OPRM1: variants seen among roughly 807,000 people sequenced by gnomAD.
OPRM1 encodes opioid receptor mu 1, also known as mu-type opioid receptor.
Under a neutral mutation model 31.8 loss-of-function variants are expected in OPRM1, and 27 were observed. That is an observed-to-expected ratio of 0.85 (90% CI 0.63 to 1.17). The LOEUF is 1.17. Among genes scored for constraint, OPRM1 ranks in the 50% most tolerant of loss-of-function variants. The probability of loss-of-function intolerance (pLI) is 0.00; values close to 1 mark genes in which losing one functional copy is unlikely to be tolerated. For missense variants in OPRM1, 536 were observed against 511.1 expected, an observed-to-expected ratio of 1.05 and a Z score of -0.47; for synonymous variants, 196 against 189.9, an observed-to-expected ratio of 1.03 and a Z score of -0.26.
chr6:154,012,259 A>G lies in OPRM1; in HGVS notation c.-1+1241A>G, dbSNP rs947926158. ...AGTAGAAATAAACATTAGTTTTCTA[A>G]TCACTGTTATAATAGAAACTTTCCA... On this transcript the variant is annotated intron_variant, in intron 1 of 5. Coordinates refer to the OPRM1 transcript ENST00000434900. Among the ~76,000 whole-genome samples, 23 of 152,338 alleles carry G rather than the reference A, an allele frequency of 1.5e-4. 1 individual carries two copies. Among genetic ancestry groups the G allele is most frequent in the Admixed American group, 1.2e-3 (19 of 15,298 alleles).
At position 154,128,036 on chromosome 6, in the gene OPRM1, A is replaced by G. The variant is rs1052568280; in HGVS notation, c.*9315A>G. ...CTCCCCAGCTGAGTACTTTCCATGC[A>G]AGCTACCGCATCTGTATAAATTAGG... is the stretch of plus-strand genomic sequence containing the variant. On this transcript the variant is annotated 3_prime_UTR_variant, in exon 4 of 4. Transcript: ENST00000330432. Among the ~76,000 whole-genome samples the G allele has an allele frequency of 9.8e-5, 15 of 152,352 alleles. No homozygotes were observed. The highest frequency in any genetic ancestry group is 9.2e-4 in the Admixed American group (14 of 15,300).
Position 154,092,434 on chromosome 6 carries a change from T to C in OPRM1, c.1164+962T>C, listed in dbSNP as rs139146836. ...AAAATCACAGCCTGTATAATTTTTT[T>C]AACAGTGAATTCAAATTCAAACTTC... On this transcript the variant is annotated intron_variant, in intron 3 of 3. Transcript: ENST00000330432. Among the ~76,000 whole-genome samples the C allele has an allele frequency of 5.1e-3, 776 of 152,318 alleles. 9 individuals carry two copies. The highest frequency in any genetic ancestry group is 0.018 in the African/African-American group (746 of 41,574).
rs1377150212 is a variant in OPRM1 at position 154,100,226 on chromosome 6, A to AAT, written c.1164+8761_1164+8762dup. 1.4e-5 allele frequency among the ~76,000 whole-genome samples: 2 copies of AAT among 145,540 alleles called. 1 individual carries two copies. The highest frequency in any genetic ancestry group is 5.2e-5 in the African/African-American group (2 of 38,336). On this transcript the variant is annotated intron_variant, in intron 3 of 3. Transcript: ENST00000330432. ...ATATTATCATATTATGACATATCGT[A>AAT]ATATATATTATCATATTATGACATA...
At chr6:154,115,315 A>G (rs1464413056) in intron 3 of OPRM1, among the ~76,000 whole-genome samples, 1 of 152,124 alleles carries the variant, frequency 6.6e-6, no homozygotes, top group Non-Finnish European at 1.5e-5. Context: ...TGAGGTGGGT[A>G]GATCGCTTGA....
At chr6:154,011,759 T>C (rs1173842717) in intron 1 of OPRM1, among the ~76,000 whole-genome samples, 1 of 152,108 alleles carries the variant, frequency 6.6e-6, no homozygotes, top group Non-Finnish European at 1.5e-5. Context: ...GAGCACAAAA[T>C]AGGCCCATTT....
In OPRM1 at chr6:154,238,933, A is replaced by T. The variant is rs1325369310; in HGVS notation, c.1165-7760A>T. Among the ~76,000 whole-genome samples the T allele has an allele frequency of 7.9e-4, 118 of 150,028 alleles. 1 individual carries two copies. Among genetic ancestry groups the T allele is most frequent in the Middle Eastern group, 3.4e-3 (1 of 292 alleles). ...GATTCTATATTGTTGTTTTTTTTAAAAAAAAAAAGAAGTTGTGGAAACACC... is the reference window on the plus strand; with the variant it reads ...GATTCTATATTGTTGTTTTTTTTAATAAAAAAAAGAAGTTGTGGAAACACC... On this transcript the variant is annotated intron_variant, in intron 3 of 3. Transcript: ENST00000337049.
At chr6:154,093,202 T>C in intron 3 of OPRM1, 2 of 1,417,064 alleles carry the variant, frequency 1.4e-6, no homozygotes, top group Non-Finnish European at 1.9e-6. Context: ...ATATTTTGCT[T>C]TGAAGTAAAA....
At chr6:154,010,641 T>A in exon 1 of OPRM1, 1 of 1,494,082 alleles carries the variant, frequency 6.7e-7, no homozygotes, top group Non-Finnish European at 9.0e-7. Flanking sequence ...TAAGTTTGCA[T>A]CCTGAAAACT....
intron 3 of OPRM1, among the ~76,000 whole-genome samples, chr6:154,142,085 G>A (rs943872702): frequency 5.6e-5 from 8 of 144,000 alleles, no homozygotes; most frequent in Admixed American, 1.4e-4. Flanking sequence ...CAACTCTCAC[G>A]CTCTGGACCT....
At chr6:154,080,340 C>T (rs1480338382) in intron 1 of OPRM1, among the ~76,000 whole-genome samples, 3 of 152,290 alleles carry the variant, frequency 2.0e-5, no homozygotes, top group South Asian at 2.1e-4. Context: ...GTATTTCAGA[C>T]GATTGCCATG....
At chr6:154,220,858 G>C (rs751276928) in intron 3 of OPRM1, among the ~76,000 whole-genome samples, 1 of 152,198 alleles carries the variant, frequency 6.6e-6, no homozygotes, top group Non-Finnish European at 1.5e-5. Flanking sequence ...TGATAAATAC[G>C]TGAATCATCA....
At chr6:154,115,643 G>A (rs1440886694) in intron 3 of OPRM1, among the ~76,000 whole-genome samples, 1 of 152,168 alleles carries the variant, frequency 6.6e-6, no homozygotes, top group Non-Finnish European at 1.5e-5. Context: ...ATTCCTCTTG[G>A]GAATGAAGAG....
chr6:154,039,271 G>A lies in OPRM1; in HGVS notation c.-274G>A. ...CCCTTCCAGCCTCCGAATCCCGCAT[G>A]GCCCACGCTCCCCTCCTGCAGCGGT... On this transcript the variant is annotated 5_prime_UTR_variant, in exon 1 of 4. It removes an upstream start codon present in the reference 5' UTR. Coordinates refer to ENST00000330432, the MANE Select transcript of OPRM1 (RefSeq NM_000914.5). The A allele has an allele frequency of 6.4e-7, 1 of 1,551,646 alleles. No individual in the cohort carries two copies. Among genetic ancestry groups the A allele is most frequent in the African/African-American group, 1.4e-5 (1 of 73,160 alleles).
At position 154,234,026 on chromosome 6, in the gene OPRM1, C is replaced by T. The variant is rs145271568; in HGVS notation, c.1165-12667C>T. Reference sequence around the variant, plus strand: ...GAGTTCAAGACCAGCCTGGGCAACACAGTGAGACATCTGTCTTAAAAACAT... The same window carrying T: ...GAGTTCAAGACCAGCCTGGGCAACATAGTGAGACATCTGTCTTAAAAACAT... On this transcript the variant is annotated intron_variant, in intron 3 of 3. Transcript: ENST00000337049. Among the ~76,000 whole-genome samples the T allele has an allele frequency of 4.5e-3, 682 of 152,186 alleles. 7 individuals are homozygous for T. Among genetic ancestry groups the T allele is most frequent in the African/African-American group, 0.016 (657 of 41,526 alleles).
At chr6:154,042,188 G>A (rs77141894) in intron 1 of OPRM1, among the ~76,000 whole-genome samples, 4 of 152,210 alleles carry the variant, frequency 2.6e-5, no homozygotes, top group Non-Finnish European at 5.9e-5. Flanking sequence ...CTTGGAATGT[G>A]ACTGTGAAAC....
chr6:154,183,668 G>A (rs1326639028), intron 3 of OPRM1, among the ~76,000 whole-genome samples: 1 of 152,082 alleles, frequency 6.6e-6, no homozygotes, highest in Non-Finnish European at 1.5e-5. Flanking sequence ...TGAGGCCGAG[G>A]CAGGCAGATC....
intron 1 of OPRM1, among the ~76,000 whole-genome samples, chr6:154,064,967 T>C (rs921463391): frequency 5.3e-5 from 8 of 152,080 alleles, no homozygotes; most frequent in African/African-American, 1.7e-4. Flanking sequence ...ATTTTGGCCA[T>C]AGTGTTTAAC....
At chr6:154,156,860 G>GA (rs1562513822) in intron 3 of OPRM1, 2 of 152,190 alleles carry the variant, frequency 1.3e-5, no homozygotes, top group African/African-American at 4.8e-5. Context: ...ACAACAGAGG[G>GA]AAAAGGTCCT....
intron 3 of OPRM1, among the ~76,000 whole-genome samples, chr6:154,234,580 G>C (rs1779970865): frequency 1.3e-5 from 2 of 152,144 alleles, no homozygotes; most frequent in African/African-American, 4.8e-5. Flanking sequence ...AGTCAACCAA[G>C]GATATGGCTC....
Sources: allele counts gnomAD v4.1 joint callset (sites outside exome capture counted in the v4.1 genomes callset), GRCh38; gene constraint gnomAD v4.1.1; transcripts MANE v1.5; gene names NCBI Gene and HGNC (gene_info 2026-07-23, HGNC 2026-07-21).